KCNJ8: variants seen among roughly 807,000 people sequenced by gnomAD.
KCNJ8 encodes potassium inwardly rectifying channel subfamily J member 8.
A neutral mutation model predicts 28.2 loss-of-function variants in KCNJ8; 13 were observed. The ratio of observed to expected loss-of-function variants is 0.46; its 90% CI spans 0.30 to 0.73. KCNJ8 has a LOEUF of 0.73. Ranked by LOEUF, KCNJ8 falls within the 30% of genes least tolerant of loss-of-function variation. The pLI is 0.07. For missense variants in KCNJ8, 284 were observed against 542.6 expected, an observed-to-expected ratio of 0.52 and a Z score of 4.73; for synonymous variants, 188 against 195.9, an observed-to-expected ratio of 0.96 and a Z score of 0.34.
At chr12:21,768,049 T>G (rs1191143452) in intron 2 of KCNJ8, among the ~76,000 whole-genome samples, 4 of 150,738 alleles carry the variant, frequency 2.7e-5, no homozygotes, top group South Asian at 2.1e-4. Context: ...TACTGGGGGG[T>G]GTGTGTGGGG....
rs867661115 is a variant in KCNJ8, at chr12:21,765,276, C to A, written c.*447G>T. The A allele has an allele frequency of 2.7e-5, 7 of 258,474 alleles. No homozygotes were observed. The highest frequency in any genetic ancestry group is 1.4e-4 in the African/African-American group (6 of 43,944). The allele number at this position is 258,474 out of a possible 1,614,324, so 16.0% of individuals were successfully genotyped here. On this transcript the variant is annotated 3_prime_UTR_variant, in exon 3 of 3. Transcript: ENST00000240662. Reference sequence around the variant, plus strand: ...ATGGAGACAGGAGAAGGCTGATGTACAAAACGCATTAACATGATTTTGTTT... The same window carrying A: ...ATGGAGACAGGAGAAGGCTGATGTAAAAAACGCATTAACATGATTTTGTTT...
At chr12:21,772,302 T>C (rs1384782427) in intron 2 of KCNJ8, among the ~76,000 whole-genome samples, 1 of 152,172 alleles carries the variant, frequency 6.6e-6, no homozygotes, top group South Asian at 2.1e-4. Context: ...TTTTGGAAAA[T>C]TTTCCAGTAT....
At chr12:21,772,387 A>C (rs916083176) in intron 2 of KCNJ8, among the ~76,000 whole-genome samples, 7 of 152,184 alleles carry the variant, frequency 4.6e-5, no homozygotes, top group African/African-American at 1.7e-4. Flanking sequence ...TCCCCCCGAA[A>C]AAAACAAAGA....
At position 21,773,867 on chromosome 12, in the gene KCNJ8, A is replaced by C. The variant is rs1310867546; in HGVS notation, c.-70-181T>G. ...TGAGTTCTGGGATCTCAGAAAAATTACTTGGTTTTAATAAAAAGAACTGTT... is the reference window on the plus strand; with the variant it reads ...TGAGTTCTGGGATCTCAGAAAAATTCCTTGGTTTTAATAAAAAGAACTGTT... On this transcript the variant is annotated intron_variant, in intron 1 of 2. Transcript: ENST00000240662. The surrounding 1 kb of genome is among the most constrained non-coding windows in gnomAD (Gnocchi z 4.6). Among the ~76,000 whole-genome samples, 1 of 152,226 alleles carries C rather than the reference A, an allele frequency of 6.6e-6. No individual in the cohort carries two copies. The highest frequency in any genetic ancestry group is 1.5e-5 in the Non-Finnish European group (1 of 68,042).
chr12:21,770,416 T>G (rs1313327176), intron 2 of KCNJ8, among the ~76,000 whole-genome samples: 1 of 152,236 alleles, frequency 6.6e-6, no homozygotes, highest in Non-Finnish European at 1.5e-5. Context: ...TATTTTGATA[T>G]TTGCTTTATT....
rs373707000 is a variant in KCNJ8, at chr12:21,766,410, A to G, written c.588T>C (p.His196=). 89 of 1,614,082 alleles carry G rather than the reference A, an allele frequency of 5.5e-5. No homozygotes were observed. Among genetic ancestry groups the G allele is most frequent in the Admixed American group, 5.0e-5 (3 of 60,006 alleles). ...RRAETLIFSR[H]AVIAVRNGKL... is the part of the protein sequence containing the mutation. ...TGCCATTTCGGACGGCAATCACAGC[A>G]TGGCGGCTGAAAATCAAAGTTTCTG... Residue 196 remains histidine, a synonymous_variant, in exon 3 of 3, where the codon CAT becomes CAC. Coordinates refer to ENST00000240662, the MANE Select transcript of KCNJ8 (RefSeq NM_004982.4). This position sits in a 1 kb window ranked among gnomAD's most constrained non-coding sequence, Gnocchi z 6.5.
rs1232650507 is a variant in KCNJ8, at chr12:21,769,696, AG to A, written c.375-3074del. 2.0e-5 allele frequency among the ~76,000 whole-genome samples: 3 copies of A among 152,178 alleles called. No individual in the cohort carries two copies. In the East Asian group the frequency reaches 5.8e-4, roughly 29 times the overall value. ...ATATTAACATTAACAGGAGTTGGGA[AG>A]AAGTTCATTCTAATTCTCATGAATG... On this transcript the variant is annotated intron_variant, in intron 2 of 2. Transcript: ENST00000240662.
rs915477135 is a variant in KCNJ8 at position 21,767,323 on chromosome 12, A to T, written c.375-700T>A. 5.7e-4 allele frequency among the ~76,000 whole-genome samples: 23 copies of T among 40,506 alleles called. 1 individual carries two copies. Among genetic ancestry groups the T allele is most frequent in the Non-Finnish European group, 9.6e-4 (21 of 21,958 alleles). 26.6% of individuals were successfully genotyped at this position (40,506 alleles called of 152,430 possible). A position where few individuals can be genotyped will look rare whatever the true frequency, so the allele number is the denominator to read the frequency against. On this transcript the variant is annotated intron_variant, in intron 2 of 2. Transcript: ENST00000240662. Reference sequence around the variant, plus strand: ...GGGGTCCCCAACCCCCCCCCCCCCCACCTCCAGGCCAGGGACCAGTGCTGG... The same window carrying T: ...GGGGTCCCCAACCCCCCCCCCCCCCTCCTCCAGGCCAGGGACCAGTGCTGG...
intron 2 of KCNJ8, among the ~76,000 whole-genome samples, chr12:21,768,791 G>A (rs1940693827): frequency 6.6e-6 from 1 of 152,218 alleles, no homozygotes; most frequent in Admixed American, 6.5e-5. Context: ...ATTCCCCTAA[G>A]CCAAAGCCTG....
chr12:21,773,539 G>A lies in KCNJ8; in HGVS notation c.78C>T (p.Arg26=). Residue 26 remains arginine, a synonymous_variant, in exon 2 of 3, where the codon CGC becomes CGT. Transcript: ENST00000240662. This position sits in a 1 kb window ranked among gnomAD's most constrained non-coding sequence, Gnocchi z 4.6. ...GGGCTTTGGGGAGGCGGTCTCGGAT[G>A]CGCGGCTTGCGCAGGTTCTCTGCGG... The part of the protein sequence containing the change: ...RIAAENLRKP[R]IRDRLPKARF... 6.2e-7 allele frequency: 1 copy of A among 1,614,244 alleles called. No individual in the cohort carries two copies. The highest frequency in any genetic ancestry group is 8.5e-7 in the Non-Finnish European group (1 of 1,180,048).
At chr12:21,770,786 C>T (rs1940738717) in intron 2 of KCNJ8, among the ~76,000 whole-genome samples, 1 of 152,216 alleles carries the variant, frequency 6.6e-6, no homozygotes. Flanking sequence ...TTAGTTCTAT[C>T]TTTGCCCCCA....
chr12:21,769,738 A>G (rs1292451934), intron 2 of KCNJ8, among the ~76,000 whole-genome samples: 2 of 152,218 alleles, frequency 1.3e-5, no homozygotes, highest in East Asian at 1.9e-4. Flanking sequence ...GAGGGGTTCA[A>G]TACTTCAGTG....
rs1249585978 is a variant in KCNJ8, at chr12:21,773,901, T to C, written c.-70-215A>G. Among the ~76,000 whole-genome samples the C allele has an allele frequency of 1.3e-5, 2 of 152,172 alleles. No individual in the cohort carries two copies. The highest frequency in any genetic ancestry group is 4.8e-5 in the African/African-American group (2 of 41,404). ...TAATAAAAAGAACTGTTTCAATTTTTCTTATTCTGAGTACATATGGACATA... is the reference window on the plus strand; with the variant it reads ...TAATAAAAAGAACTGTTTCAATTTTCCTTATTCTGAGTACATATGGACATA... On this transcript the variant is annotated intron_variant, in intron 1 of 2. Transcript: ENST00000240662. This position sits in a 1 kb window ranked among gnomAD's most constrained non-coding sequence, Gnocchi z 4.6.
At chr12:21,770,662 G>A (rs1297677217) in intron 2 of KCNJ8, among the ~76,000 whole-genome samples, 1 of 152,214 alleles carries the variant, frequency 6.6e-6, no homozygotes, top group Non-Finnish European at 1.5e-5. Flanking sequence ...CTTTTGAAAA[G>A]TTCTCAGGGG....
In KCNJ8 at chr12:21,766,820, C is replaced by T. The variant is rs1266494324; in HGVS notation, c.375-197G>A. ...CTCTCTCTCTTGCATGCATCTACCT[C>T]CAGACTTCTGGAGATTAACATTCTA... On this transcript the variant is annotated intron_variant, in intron 2 of 2. Transcript: ENST00000240662. The surrounding 1 kb of genome is among the most constrained non-coding windows in gnomAD (Gnocchi z 6.5). 2 of 606,322 alleles carry T rather than the reference C, an allele frequency of 3.3e-6. No individual in the cohort carries two copies. The highest frequency in any genetic ancestry group is 5.9e-6 in the Non-Finnish European group (2 of 341,650). The allele number at this position is 606,322 out of a possible 1,614,324, so 37.6% of individuals were successfully genotyped here. A position where few individuals can be genotyped will look rare whatever the true frequency, so the allele number is the denominator to read the frequency against.
chr12:21,765,138 G>T lies in KCNJ8; in HGVS notation c.*585C>A. On this transcript the variant is annotated 3_prime_UTR_variant, in exon 3 of 3. Coordinates refer to ENST00000240662, the MANE Select transcript of KCNJ8 (RefSeq NM_004982.4). ...CTGCCCAACAGGCCGCAATGAGATG[G>T]ACCAGGAAACCTTCAGGAGTCACCG... 1 of 165,016 alleles carries T rather than the reference G, an allele frequency of 6.1e-6. No homozygotes were observed. Among genetic ancestry groups the T allele is most frequent in the Non-Finnish European group, 1.3e-5 (1 of 75,778 alleles). 10.2% of individuals were successfully genotyped at this position (165,016 alleles called of 1,614,324 possible).
intron 2 of KCNJ8, among the ~76,000 whole-genome samples, chr12:21,768,067 G>A (rs537330154): frequency 6.6e-6 from 1 of 152,200 alleles, no homozygotes; most frequent in East Asian, 1.9e-4. Flanking sequence ...GGGGGAAATG[G>A]TTTCGAGATG....
rs995154522 is a variant in KCNJ8, at chr12:21,765,252, T to C, written c.*471A>G. ...GGCTTCCTACCAAATGCAGTTATCA[T>C]GGAGACAGGAGAAGGCTGATGTACA... On this transcript the variant is annotated 3_prime_UTR_variant, in exon 3 of 3. Transcript: ENST00000240662. 25 of 227,446 alleles carry C rather than the reference T, an allele frequency of 1.1e-4. No homozygotes were observed. In the East Asian group the frequency reaches 2.4e-3, roughly 22 times the overall value. 14.1% of individuals were successfully genotyped at this position (227,446 alleles called of 1,614,324 possible). A position where few individuals can be genotyped will look rare whatever the true frequency, so the allele number is the denominator to read the frequency against.
At position 21,766,025 on chromosome 12, in the gene KCNJ8, C is replaced by A. The variant is rs1434610051; in HGVS notation, c.973G>T (p.Val325Leu). Residue 325 changes from valine to leucine, a missense_variant, in exon 3 of 3, where the codon GTG (valine) becomes TTG (leucine). Val to Leu is a conservative substitution (Grantham distance 32). Coordinates refer to ENST00000240662, the MANE Select transcript of KCNJ8 (RefSeq NM_004982.4). The surrounding 1 kb of genome is among the most constrained non-coding windows in gnomAD (Gnocchi z 6.5). ...CCTTCTTCCTCAGTCACAATGGACA[C>A]AAAGCGGTGGCCCCATTGGATCTCC... is the stretch of plus-strand genomic sequence containing the variant. ...AEEIQWGHRF[V>L]SIVTEEEGVY... 1.2e-6 allele frequency: 2 copies of A among 1,614,156 alleles called. No homozygotes were observed. Among genetic ancestry groups the A allele is most frequent in the Non-Finnish European group, 1.7e-6 (2 of 1,180,026 alleles).
Sources: allele counts gnomAD v4.1 joint callset (sites outside exome capture counted in the v4.1 genomes callset), GRCh38; gene constraint gnomAD v4.1.1; non-coding constraint Gnocchi (gnomAD v3.1); transcripts MANE v1.5; gene names NCBI Gene and HGNC (gene_info 2026-07-23, HGNC 2026-07-21).